Variants in ORC4 observed in about 807,000 individuals in gnomAD.
ORC4 encodes the protein origin recognition complex, subunit 4 homolog.
ORC4 carries 55 observed loss-of-function variants against 63.9 expected under a neutral mutation model. That is an observed-to-expected ratio of 0.86 (90% CI 0.69 to 1.08). ORC4 has a LOEUF of 1.08. Ranked by LOEUF, ORC4 falls within the 50% of genes least tolerant of loss-of-function variation. The pLI is 0.00. For synonymous variants in ORC4, 150 were observed against 168.5 expected (o/e 0.89, Z 0.85); for missense variants, 511 against 504.4 (o/e 1.01, Z -0.13).
chr2:147,959,837 T>C (rs896840959), intron 4 of ORC4, among the ~76,000 whole-genome samples: 1 of 151,970 alleles, frequency 6.6e-6, no homozygotes, highest in African/African-American at 2.4e-5. Context: ...AACTGAGAAG[T>C]GACATTTAAT....
intron 1 of ORC4, among the ~76,000 whole-genome samples, chr2:148,019,540 C>T (rs907292975): frequency 6.6e-6 from 1 of 152,124 alleles, no homozygotes; most frequent in East Asian, 1.9e-4. Context: ...TGCAGTGAGC[C>T]GAGATCGCGC....
intron 1 of ORC4, among the ~76,000 whole-genome samples, chr2:148,018,764 A>G (rs1693475683): frequency 6.6e-6 from 1 of 152,216 alleles, no homozygotes. Context: ...TAGGTGGTTA[A>G]GAAATACTAA....
At chr2:147,956,336 A>T (rs1181495522) in intron 6 of ORC4, among the ~76,000 whole-genome samples, 2 of 152,162 alleles carry the variant, frequency 1.3e-5, no homozygotes. Flanking sequence ...AAATCCTCAA[A>T]GAGACAATCT....
At chr2:147,950,774 A>AG (rs1336189074) in intron 8 of ORC4, among the ~76,000 whole-genome samples, 1 of 151,470 alleles carries the variant, frequency 6.6e-6, no homozygotes, top group African/African-American at 2.4e-5. Context: ...CAAAAAAAAA[A>AG]AAAAAGAAAA....
Position 147,991,288 on chromosome 2 carries a change from C to T in ORC4, c.-17-15313G>A, listed in dbSNP as rs370985946. ...GTCTCGAACTCCTGACCTGGTGATC[C>T]GCCCACCTCAGCCTCCCAAAGTGCT... On this transcript the variant is annotated intron_variant, in intron 1 of 13. Coordinates refer to ENST00000392857, the MANE Select transcript of ORC4 (RefSeq NM_181741.4). Among the ~76,000 whole-genome samples the T allele has an allele frequency of 1.3e-5, 2 of 151,954 alleles. 1 individual carries two copies. Among genetic ancestry groups the T allele is most frequent in the Admixed American group, 1.3e-4 (2 of 15,278 alleles).
At chr2:147,979,913 C>A (rs1056780262) in intron 1 of ORC4, among the ~76,000 whole-genome samples, 1 of 152,006 alleles carries the variant, frequency 6.6e-6, no homozygotes, top group Non-Finnish European at 1.5e-5. Context: ...ACACCATATA[C>A]AAAGATCAAC....
intron 10 of ORC4, among the ~76,000 whole-genome samples, chr2:147,940,060 C>T (rs1688275898): frequency 6.6e-6 from 1 of 152,148 alleles, no homozygotes; most frequent in Non-Finnish European, 1.5e-5. Context: ...ATTAGCTGGG[C>T]AGAGAGTTTG....
At chr2:147,955,009 CCTTATAAAA>C (rs1318885587) in intron 7 of ORC4, among the ~76,000 whole-genome samples, 7 of 151,598 alleles carry the variant, frequency 4.6e-5, no homozygotes, top group Admixed American at 4.6e-4. Context: ...ATAAATAGCA[CCTTATAAAA>C]CAAGAACCAT....
At chr2:148,003,130 AC>A (rs1260435570) in intron 1 of ORC4, among the ~76,000 whole-genome samples, 1 of 152,188 alleles carries the variant, frequency 6.6e-6, no homozygotes, top group Non-Finnish European at 1.5e-5. Flanking sequence ...TAGCCTACCA[AC>A]CAAAAAAAAG....
intron 1 of ORC4, among the ~76,000 whole-genome samples, chr2:147,979,581 T>A (rs991778876): frequency 6.6e-6 from 1 of 151,412 alleles, no homozygotes; most frequent in African/African-American, 2.4e-5. Context: ...TAGAAAAAAA[T>A]CCTAAAATTC....
At chr2:147,945,795 C>T (rs549964220) in intron 9 of ORC4, among the ~76,000 whole-genome samples, 10 of 152,160 alleles carry the variant, frequency 6.6e-5, no homozygotes, top group Admixed American at 1.3e-4. Flanking sequence ...CCTGGATAAT[C>T]GGCACTAAGA....
At chr2:147,971,720 G>A (rs563804317) in intron 4 of ORC4, among the ~76,000 whole-genome samples, 2 of 151,916 alleles carry the variant, frequency 1.3e-5, no homozygotes, top group South Asian at 2.1e-4. Flanking sequence ...ACTCAAGAAT[G>A]AAGAAATAGT....
rs947170541 is a variant in ORC4 at position 147,933,057 on chromosome 2, G to C, written c.*2453C>G. ...TCATTTTAACAAGAATTCCGTTTCTGCTGGGCCACTTGGATCCCTTGGATT... is the reference window on the plus strand; with the variant it reads ...TCATTTTAACAAGAATTCCGTTTCTCCTGGGCCACTTGGATCCCTTGGATT... On this transcript the variant is annotated 3_prime_UTR_variant, in exon 14 of 14. Transcript: ENST00000392857. 3.9e-5 allele frequency: 6 copies of C among 152,018 alleles called. No homozygotes were observed. Among genetic ancestry groups the C allele is most frequent in the African/African-American group, 7.2e-5 (3 of 41,394 alleles). The allele number at this position is 152,018 out of a possible 1,614,324, so 9.4% of individuals were successfully genotyped here.
chr2:147,991,656 C>T (rs1048006436), intron 1 of ORC4, among the ~76,000 whole-genome samples: 1 of 151,918 alleles, frequency 6.6e-6, no homozygotes, highest in Admixed American at 6.6e-5. Context: ...TGGTGAAACC[C>T]CGTCTCTACT....
chr2:148,011,013 G>C (rs1313914260), intron 1 of ORC4, among the ~76,000 whole-genome samples: 1 of 151,988 alleles, frequency 6.6e-6, no homozygotes, highest in Non-Finnish European at 1.5e-5. Flanking sequence ...ATTTTTTGTA[G>C]AGATGGGGTT....
intron 1 of ORC4, among the ~76,000 whole-genome samples, chr2:147,992,137 T>C (rs1394896035): frequency 6.6e-6 from 1 of 152,222 alleles, no homozygotes; most frequent in Non-Finnish European, 1.5e-5. Flanking sequence ...TCAACAGTAG[T>C]CTATGTTCTC....
chr2:147,989,167 T>C (rs1691414322), intron 1 of ORC4, among the ~76,000 whole-genome samples: 1 of 152,130 alleles, frequency 6.6e-6, no homozygotes, highest in Non-Finnish European at 1.5e-5. Flanking sequence ...CAGTAACAAG[T>C]AGATTTTTAA....
intron 8 of ORC4, among the ~76,000 whole-genome samples, chr2:147,950,417 G>C (rs1688886037): frequency 1.3e-5 from 2 of 152,166 alleles, no homozygotes; most frequent in African/African-American, 4.8e-5. Flanking sequence ...TGCTGGCAAA[G>C]TCACTACTCC....
rs1298998408 is a variant in ORC4 at position 147,931,199 on chromosome 2, T to C, written c.*4311A>G. Reference sequence around the variant, plus strand: ...AAGGACATGAACTCATCATTTTTTATGGCTGCATAGTATTCCATGGTGTAT... The same window carrying C: ...AAGGACATGAACTCATCATTTTTTACGGCTGCATAGTATTCCATGGTGTAT... On this transcript the variant is annotated 3_prime_UTR_variant, in exon 14 of 14. Transcript: ENST00000392857. 6.6e-6 allele frequency: 1 copy of C among 151,430 alleles called. No homozygotes were observed. Among genetic ancestry groups the C allele is most frequent in the Non-Finnish European group, 1.5e-5 (1 of 67,838 alleles). 9.4% of individuals were successfully genotyped at this position (151,430 alleles called of 1,614,324 possible). A position where few individuals can be genotyped will look rare whatever the true frequency, so the allele number is the denominator to read the frequency against.
Sources: gnomAD v4.1 joint callset for allele counts (sites outside exome capture counted in the v4.1 genomes callset) on GRCh38, gnomAD v4.1.1 for gene constraint, MANE v1.5 for transcripts, NCBI Gene and HGNC (gene_info 2026-07-23, HGNC 2026-07-21) for gene names.